Variants in IST1 observed in about 807,000 individuals in gnomAD.
IST1 encodes the protein IST1 factor associated with ESCRT-III, also known as IST1 homolog.
In IST1, 23 loss-of-function variants were observed where a neutral mutation model predicts 37.0. That is an observed-to-expected ratio of 0.62 (90% CI 0.45 to 0.88). The LOEUF is 0.88. Ranked by LOEUF, IST1 falls within the 40% of genes least tolerant of loss-of-function variation. The pLI is 0.00. For missense variants in IST1, 488 were observed against 445.4 expected, an observed-to-expected ratio of 1.10 and a Z score of -0.86; for synonymous variants, 180 against 161.7, an observed-to-expected ratio of 1.11 and a Z score of -0.86.
chr16:71,929,581 G>C lies in IST1; in HGVS notation c.*1768G>C, dbSNP rs1170781447. 4.5e-6 allele frequency: 7 copies of C among 1,551,668 alleles called. No homozygotes were observed. The South Asian group carries it at 7.1e-5, about 16-fold the overall frequency. The stretch of plus-strand genomic sequence containing the variant: ...AACTTCAGTGTCACTGCCCACTGCT[G>C]TCGTGGCTGCTTGCTCAGATGAGGT... On this transcript the variant is annotated 3_prime_UTR_variant, in exon 10 of 10. Coordinates refer to ENST00000378799, the MANE Select transcript of IST1 (RefSeq NM_001270975.2).
intron 1 of IST1, among the ~76,000 whole-genome samples, chr16:71,901,823 T>C (rs915025040): frequency 2.6e-5 from 4 of 152,242 alleles, no homozygotes; most frequent in African/African-American, 9.6e-5. Context: ...GAGCGACAGC[T>C]TTGTACAAAA....
chr16:71,895,572 A>T lies in IST1; in HGVS notation c.-33A>T, dbSNP rs949684161. On this transcript the variant is annotated 5_prime_UTR_variant, in exon 1 of 10. Coordinates refer to ENST00000378799, the MANE Select transcript of IST1 (RefSeq NM_001270975.2). ...CCTGAAGTCGGTGTCTGCTGCGTTC[A>T]CGGCAGGATTCGGTTAGGTGAGTGT... is the stretch of plus-strand genomic sequence containing the variant. The T allele has an allele frequency of 1.0e-6, 1 of 985,250 alleles. No individual in the cohort carries two copies. The highest frequency in any genetic ancestry group is 1.7e-5 in the African/African-American group (1 of 57,218). 61.0% of individuals were successfully genotyped at this position (985,250 alleles called of 1,614,324 possible).
At chr16:71,910,431 C>T (rs900011519) in intron 1 of IST1, among the ~76,000 whole-genome samples, 1 of 151,860 alleles carries the variant, frequency 6.6e-6, no homozygotes, top group African/African-American at 2.4e-5. Flanking sequence ...ACGGTGAAAC[C>T]CCGTCTCTAC....
chr16:71,916,499 C>G lies in IST1; in HGVS notation c.126C>G (p.Asp42Glu). The G allele has an allele frequency of 1.9e-6, 3 of 1,613,142 alleles. No homozygotes were observed. The highest frequency in any genetic ancestry group is 1.7e-6 in the Non-Finnish European group (2 of 1,179,850). Residue 42 changes from aspartate to glutamate, a missense_variant, in exon 3 of 10, where the codon GAC becomes GAG. This residue lies in a region of IST1 where 33 missense variants were observed against 59.3 expected (regional missense o/e 0.56). Coordinates refer to ENST00000378799, the MANE Select transcript of IST1 (RefSeq NM_001270975.2). ...AGAAAGCAAGGAAGGAGATTGCTGA[C>G]TATCTGGCTGCTGGGAAAGATGAAC... is the stretch of plus-strand genomic sequence containing the variant. ...LAQKARKEIA[D>E]YLAAGKDERA... is the part of the protein sequence containing the mutation.
At chr16:71,926,492 C>T (rs1363111597) in intron 9 of IST1, among the ~76,000 whole-genome samples, 3 of 151,896 alleles carry the variant, frequency 2.0e-5, no homozygotes, top group African/African-American at 7.2e-5. Context: ...TACAGGCATC[C>T]CCCACCACGC....
chr16:71,923,756 T>A (rs2037668252), intron 8 of IST1, among the ~76,000 whole-genome samples: 1 of 152,170 alleles, frequency 6.6e-6, no homozygotes, highest in African/African-American at 2.4e-5. Flanking sequence ...TCCTATGTGT[T>A]CTCAACACAT....
intron 6 of IST1, among the ~76,000 whole-genome samples, chr16:71,922,134 C>T (rs891501123): frequency 7.1e-4 from 107 of 151,428 alleles, no homozygotes; most frequent in Non-Finnish European, 1.2e-3. Context: ...AGTGAGACTC[C>T]GTCTCAAAAA....
chr16:71,928,317 G>A lies in IST1; in HGVS notation c.*504G>A, dbSNP rs2037802661. ...CGAATGCAAGTGGGAGAGGGAAAAT[G>A]ACTCGGGACGCCATTGTAACGGTTC... On this transcript the variant is annotated 3_prime_UTR_variant, in exon 10 of 10. Coordinates refer to ENST00000378799, the MANE Select transcript of IST1 (RefSeq NM_001270975.2). 1 of 167,714 alleles carries A rather than the reference G, an allele frequency of 6.0e-6. No homozygotes were observed. Among genetic ancestry groups the A allele is most frequent in the South Asian group, 1.6e-4 (1 of 6,306 alleles). 10.4% of individuals were successfully genotyped at this position (167,714 alleles called of 1,614,324 possible). A position where few individuals can be genotyped will look rare whatever the true frequency, so the allele number is the denominator to read the frequency against.
intron 1 of IST1, chr16:71,903,501 A>T (rs1597234431): frequency 6.6e-6 from 1 of 152,176 alleles, no homozygotes; most frequent in Non-Finnish European, 1.5e-5. Context: ...TTTCTAGTTT[A>T]ATTCCATTAC....
At position 71,921,484 on chromosome 16, in the gene IST1, G is replaced by A. The variant is rs757821421; in HGVS notation, c.552+31G>A. 5 of 1,343,670 alleles carry A rather than the reference G, an allele frequency of 3.7e-6. No individual in the cohort carries two copies. In the Admixed American group the frequency reaches 8.7e-5, roughly 23 times the overall value. The allele number at this position is 1,343,670 out of a possible 1,614,324, so 83.2% of individuals were successfully genotyped here. On this transcript the variant is annotated intron_variant, in intron 6 of 9. Coordinates refer to ENST00000378799, the MANE Select transcript of IST1 (RefSeq NM_001270975.2). ...TTTATCCCAGAATACAAAGAAAAAT[G>A]AGTTTGTAGGTATGACCTTCTTTGG...
At position 71,929,916 on chromosome 16, in the gene IST1, G is replaced by T; in HGVS notation, c.*2103G>T. The T allele has an allele frequency of 8.6e-7, 1 of 1,163,464 alleles. No homozygotes were observed. The highest frequency in any genetic ancestry group is 1.2e-6 in the Non-Finnish European group (1 of 846,612). The allele number at this position is 1,163,464 out of a possible 1,614,324, so 72.1% of individuals were successfully genotyped here. ...ATTGGGTTTCCTAGGAAGATAGCTG[G>T]CAGAGCTTTTGAAACTAATAAAGGG... On this transcript the variant is annotated 3_prime_UTR_variant, in exon 10 of 10. Coordinates refer to ENST00000378799, the MANE Select transcript of IST1 (RefSeq NM_001270975.2).
At chr16:71,916,920 A>G (rs1288505054) in intron 3 of IST1, 127 bp from the exon 4 acceptor site, 7 of 645,764 alleles carry the variant, frequency 1.1e-5, no homozygotes, top group South Asian at 9.2e-5. Context: ...CTAGAAGCCT[A>G]GAGTTATTGT....
intron 8 of IST1, chr16:71,924,427 C>A: frequency 2.4e-6 from 1 of 423,274 alleles, no homozygotes; most frequent in South Asian, 2.1e-5. Context: ...CCTGTCTCTA[C>A]CCAAAATACA....
intron 1 of IST1, among the ~76,000 whole-genome samples, chr16:71,913,197 A>G (rs2037395590): frequency 6.6e-6 from 1 of 151,618 alleles, no homozygotes; most frequent in Non-Finnish European, 1.5e-5. Flanking sequence ...TCTTTCCATA[A>G]TGGTTGTACC....
intron 8 of IST1, 104 bp downstream of exon 8, chr16:71,923,484 A>G (rs958501351): frequency 1.3e-5 from 8 of 637,306 alleles, no homozygotes; most frequent in African/African-American, 9.4e-5. Context: ...AACTCCTAGT[A>G]CTGTCATCAT....
Position 71,928,805 on chromosome 16 carries a change from T to C in IST1, c.*992T>C, listed in dbSNP as rs2037815884. 6.6e-6 allele frequency: 1 copy of C among 152,246 alleles called. No homozygotes were observed. The highest frequency in any genetic ancestry group is 2.1e-4 in the South Asian group (1 of 4,836). 9.4% of individuals were successfully genotyped at this position (152,246 alleles called of 1,614,324 possible). ...TGCTTTCCTGGATGGATGGGACTCT[T>C]ATGTCATAACTTCTGTTACTCCTTT... is the stretch of plus-strand genomic sequence containing the variant. On this transcript the variant is annotated 3_prime_UTR_variant, in exon 10 of 10. Coordinates refer to ENST00000378799, the MANE Select transcript of IST1 (RefSeq NM_001270975.2).
chr16:71,898,647 A>G (rs1167055006), intron 1 of IST1, among the ~76,000 whole-genome samples: 3 of 141,682 alleles, frequency 2.1e-5, no homozygotes, highest in Non-Finnish European at 3.0e-5. Flanking sequence ...TGGGCCACAG[A>G]GTGAGACTCT....
At chr16:71,914,478 A>G (rs979595911) in intron 1 of IST1, among the ~76,000 whole-genome samples, 3 of 152,104 alleles carry the variant, frequency 2.0e-5, no homozygotes, top group African/African-American at 7.2e-5. Flanking sequence ...ACCTTAATTT[A>G]TGCTTTTTAT....
rs2037800555 is a variant in IST1, at chr16:71,928,263, C to G, written c.*450C>G. ...CAGGGGGATTGTGGTGAGTGAGAAT[C>G]AAGGCCACCTTGTGTGTTTTCTCAC... On this transcript the variant is annotated 3_prime_UTR_variant, in exon 10 of 10. Transcript: ENST00000378799. The G allele has an allele frequency of 5.8e-6, 1 of 171,704 alleles. No individual in the cohort carries two copies. Among genetic ancestry groups the G allele is most frequent in the African/African-American group, 2.4e-5 (1 of 41,724 alleles). 10.6% of individuals were successfully genotyped at this position (171,704 alleles called of 1,614,324 possible).
Sources: allele counts gnomAD v4.1 joint callset (sites outside exome capture counted in the v4.1 genomes callset), GRCh38; gene constraint gnomAD v4.1.1; regional missense constraint gnomAD v4.1.1; transcripts MANE v1.5; gene names NCBI Gene and HGNC (gene_info 2026-07-23, HGNC 2026-07-21).